The following TUT4 variants were observed in gnomAD, a reference collection of about 807,000 sequenced individuals.
The protein encoded by TUT4 is terminal uridylyltransferase 4.
In TUT4, 36 loss-of-function variants were observed where a neutral mutation model predicts 192.2. The observed-to-expected ratio is 0.19, with a 90% CI of 0.14 to 0.25. The LOEUF is 0.25. TUT4 is among the 10% of genes least tolerant of loss of function. The probability of loss-of-function intolerance (pLI) is 1.00; values close to 1 mark genes in which losing one functional copy is unlikely to be tolerated. For synonymous variants in TUT4, 618 were observed against 666.0 expected (o/e 0.93, Z 1.11); for missense variants, 1,493 against 1,957.2 (o/e 0.76, Z 4.47).
chr1:52,431,459 G>C lies in TUT4; in HGVS notation c.4265C>G (p.Ser1422Cys). The C allele has an allele frequency of 6.5e-7, 1 of 1,537,006 alleles. No individual in the cohort carries two copies. The highest frequency in any genetic ancestry group is 1.3e-5 in the South Asian group (1 of 78,914). Residue 1422 changes from serine (S) to cysteine (C), a missense_variant and splice_region_variant, in exon 28 of 30, where the codon TCT becomes TGT. Ser to Cys is a moderately radical substitution (Grantham distance 112). This residue lies in a region of TUT4 where 351 missense variants were observed against 397.8 expected (regional missense o/e 0.88). Coordinates refer to ENST00000257177, the MANE Select transcript of TUT4 (RefSeq NM_001009881.3). ...SIRTRQSSEC[S>C]ESPSYSPQPQ... The stretch of plus-strand genomic sequence containing the variant: ...CTGAGGAGAATAAGATGGTGATTCA[G>C]ACTGCAGACAAAAAAAAAATTTTTT...
chr1:52,441,444 A>ATCTTTTTTTTTT (rs1553160600), intron 24 of TUT4, among the ~76,000 whole-genome samples: 3 of 119,984 alleles, frequency 2.5e-5, no homozygotes, highest in Admixed American at 8.6e-5. Flanking sequence ...TCTCGGCTAA[A>ATCTTTTTTTTTT]TTTTTTTTTT....
intron 25 of TUT4, 110 bp from the exon 26 acceptor site, chr1:52,437,088 G>A (rs1654021711): frequency 1.3e-5 from 18 of 1,431,392 alleles, no homozygotes; most frequent in South Asian, 4.4e-5. Context: ...CATTTCATGC[G>A]TCTTTTTGAA....
At chr1:52,481,671 A>C (rs1361203137) in intron 10 of TUT4, 36 bp from the exon 11 acceptor site, 1 of 1,556,320 alleles carries the variant, frequency 6.4e-7, no homozygotes, top group Non-Finnish European at 8.6e-7. Flanking sequence ...GTAGTGGAAA[A>C]ATTATTTAAA....
Position 52,525,461 on chromosome 1 carries a change from A to T in TUT4, c.718+102T>A, listed in dbSNP as rs79211617. On this transcript the variant is annotated intron_variant, in intron 2 of 29. Coordinates refer to ENST00000257177, the MANE Select transcript of TUT4 (RefSeq NM_001009881.3). ...GTTTTCATACGGGAACAAAAGTGCT[A>T]AACAATTATGTATAAACATGACTTT... 3.5e-6 allele frequency: 5 copies of T among 1,419,770 alleles called. No homozygotes were observed. In the East Asian group the frequency reaches 1.2e-4, roughly 34 times the overall value. 87.9% of individuals were successfully genotyped at this position (1,419,770 alleles called of 1,614,324 possible).
chr1:52,496,201 T>C (rs1224332918), intron 5 of TUT4, among the ~76,000 whole-genome samples: 3 of 152,126 alleles, frequency 2.0e-5, no homozygotes, highest in Admixed American at 6.5e-5. Context: ...CAGTTGTATA[T>C]ATAAAAGTCT....
At chr1:52,438,096 T>C in intron 25 of TUT4, 124 bp downstream of exon 25, 1 of 668,964 alleles carries the variant, frequency 1.5e-6, no homozygotes, top group South Asian at 2.3e-5. Context: ...CAAATGAACA[T>C]TTACCTTAGG....
intron 21 of TUT4, 53 bp from the exon 22 acceptor site, chr1:52,446,495 A>G: frequency 6.4e-7 from 1 of 1,556,906 alleles, no homozygotes; most frequent in South Asian, 1.2e-5. Flanking sequence ...ACTATCCAAA[A>G]CATGGACAGC....
intron 4 of TUT4, among the ~76,000 whole-genome samples, chr1:52,498,540 G>A (rs989037371): frequency 4.6e-5 from 7 of 150,906 alleles, no homozygotes; most frequent in Admixed American, 2.0e-4. Flanking sequence ...CACAGCGCCC[G>A]GCCGTTTCAC....
chr1:52,506,626 G>T (rs1162999753), intron 4 of TUT4, among the ~76,000 whole-genome samples: 1 of 152,106 alleles, frequency 6.6e-6, no homozygotes, highest in Non-Finnish European at 1.5e-5. Flanking sequence ...AATCTTAGAT[G>T]TCGTAGTTTT....
At position 52,436,834 on chromosome 1, in the gene TUT4, A is replaced by G; in HGVS notation, c.4083T>C (p.Phe1361=). Residue 1361 remains phenylalanine (F), a synonymous_variant, in exon 26 of 30, where the codon TTT becomes TTC. Coordinates refer to ENST00000257177, the MANE Select transcript of TUT4 (RefSeq NM_001009881.3). ...DFRDPRDLRC[F]ICGDAGHVRR... is the part of the protein sequence containing the mutation. ...GTACATGTCCAGCATCTCCACATAT[A>G]AAACATCTGAGGTCTCTCGGGTCTC... 6.2e-7 allele frequency: 1 copy of G among 1,613,274 alleles called. No individual in the cohort carries two copies. Among genetic ancestry groups the G allele is most frequent in the East Asian group, 2.2e-5 (1 of 44,842 alleles).
intron 25 of TUT4, among the ~76,000 whole-genome samples, chr1:52,437,998 T>C (rs563786866): frequency 6.6e-6 from 1 of 151,640 alleles, no homozygotes; most frequent in South Asian, 2.1e-4. Flanking sequence ...AAAAAAAAAC[T>C]GAGTGAATTA....
intron 12 of TUT4, among the ~76,000 whole-genome samples, chr1:52,476,115 G>A (rs1270935717): frequency 6.6e-6 from 1 of 152,108 alleles, no homozygotes; most frequent in Non-Finnish European, 1.5e-5. Flanking sequence ...AAAGTGCTGG[G>A]ATTACAGGCA....
At chr1:52,489,278 T>G (rs77270142) in intron 8 of TUT4, among the ~76,000 whole-genome samples, 1,843 of 152,278 alleles carry the variant, frequency 0.012, 49 homozygotes, top group African/African-American at 0.043. Context: ...AGAAATAAAT[T>G]TCAACCAAAC....
At chr1:52,472,702 C>G (rs1293839153) in intron 13 of TUT4, among the ~76,000 whole-genome samples, 3 of 151,910 alleles carry the variant, frequency 2.0e-5, no homozygotes, top group Admixed American at 2.0e-4. Flanking sequence ...CCAATAGCCA[C>G]AAAATGAACT....
At chr1:52,436,470 G>C (rs1653832580) in intron 26 of TUT4, among the ~76,000 whole-genome samples, 1 of 152,274 alleles carries the variant, frequency 6.6e-6, no homozygotes, top group African/African-American at 2.4e-5. Context: ...TGGGTAACAA[G>C]AGCGAGACTC....
chr1:52,526,438 G>T, intron 1 of TUT4, 65 bp from the exon 2 acceptor site: 3 of 574,498 alleles, frequency 5.2e-6, no homozygotes, highest in Non-Finnish European at 7.4e-6. Flanking sequence ...TTTATGGTTA[G>T]ACATTAAAAA....
At chr1:52,441,505 G>A (rs1214729455) in intron 24 of TUT4, among the ~76,000 whole-genome samples, 1 of 143,298 alleles carries the variant, frequency 7.0e-6, no homozygotes, top group Non-Finnish European at 1.5e-5. Context: ...ACGTTGACCA[G>A]GCTGGTCTCC....
Position 52,475,418 on chromosome 1 carries a change from C to T in TUT4, c.2141G>A (p.Gly714Asp), listed in dbSNP as rs1399195960. The T allele has an allele frequency of 6.2e-7, 1 of 1,613,966 alleles. No individual in the cohort carries two copies. Residue 714 changes from glycine to aspartate, a missense_variant, in exon 13 of 30, where the codon GGT (glycine) becomes GAT (aspartate). Gly to Asp is a moderately conservative substitution (Grantham distance 94). This residue lies in a region of TUT4 where 245 missense variants were observed against 218.4 expected (regional missense o/e 1.12). Coordinates refer to ENST00000257177, the MANE Select transcript of TUT4 (RefSeq NM_001009881.3). Reference protein sequence around the residue: ...YRYFACPQTKGGNKSTVDFKK... With the variant: ...YRYFACPQTKDGNKSTVDFKK... ...GAAATCCACTGTAGACTTATTTCCA[C>T]CCTTCGTCTGAGGACAGGCAAAATA...
At chr1:52,541,023 T>C (rs930573522) in intron 1 of TUT4, among the ~76,000 whole-genome samples, 1 of 151,144 alleles carries the variant, frequency 6.6e-6, no homozygotes, top group Admixed American at 6.6e-5. Flanking sequence ...CTGGCCAACA[T>C]GGTAAAACAC....
Sources: allele counts gnomAD v4.1 joint callset (sites outside exome capture counted in the v4.1 genomes callset), GRCh38; gene constraint gnomAD v4.1.1; regional missense constraint gnomAD v4.1.1; transcripts MANE v1.5; gene names NCBI Gene and HGNC (gene_info 2026-07-23, HGNC 2026-07-21).